The following COL6A6 variants were observed in gnomAD, a reference collection of about 807,000 sequenced individuals.
COL6A6 encodes collagen alpha-6(VI) chain.
Under a neutral mutation model 208.6 loss-of-function variants are expected in COL6A6, and 183 were observed. The ratio of observed to expected loss-of-function variants is 0.88; its 90% CI spans 0.78 to 0.99. The LOEUF (loss-of-function observed/expected upper bound fraction) is 0.99. COL6A6 is among the 50% of genes least tolerant of loss of function. The pLI, the probability that COL6A6 is intolerant of heterozygous loss-of-function variation, is 0.00. For missense variants in COL6A6, 2,816 were observed against 2,815.2 expected (o/e 1.00, Z -0.01); for synonymous variants, 973 against 1,011.8 (o/e 0.96, Z 0.73).
intron 11 of COL6A6, among the ~76,000 whole-genome samples, chr3:130,587,541 T>G (rs1388722117): frequency 1.3e-5 from 2 of 152,260 alleles, no homozygotes; most frequent in African/African-American, 2.4e-5. Flanking sequence ...AAGATGTATC[T>G]CAATTGTATT....
rs1292645617 is a variant in COL6A6 at position 130,634,464 on chromosome 3, A to G, written c.4993-126A>G. 1.2e-5 allele frequency: 9 copies of G among 751,540 alleles called. No homozygotes were observed. Among genetic ancestry groups the G allele is most frequent in the East Asian group, 2.8e-5 (1 of 36,028 alleles). 46.6% of individuals were successfully genotyped at this position (751,540 alleles called of 1,614,324 possible). On this transcript the variant is annotated intron_variant, in intron 26 of 36. Transcript: ENST00000358511. ...ACTGCTATTTCACTTCCAGATTTCA[A>G]TTGTTTTGGCCCTTCCTTAATTCAG... is the stretch of plus-strand genomic sequence containing the variant.
intron 32 of COL6A6, among the ~76,000 whole-genome samples, chr3:130,647,708 C>T (rs966225172): frequency 6.6e-5 from 10 of 152,202 alleles, no homozygotes; most frequent in South Asian, 2.1e-4. Context: ...TGCCAGCCTA[C>T]GTGAGCCCCA....
rs999576399 is a variant in COL6A6, at chr3:130,562,937, T to C, written c.65-131T>C. Reference sequence around the variant, plus strand: ...TGAGAGAATGTGCAGTTGCAGGCTATTATTTTCGGTTTATTGGGAAGGTAT... The same window carrying C: ...TGAGAGAATGTGCAGTTGCAGGCTACTATTTTCGGTTTATTGGGAAGGTAT... On this transcript the variant is annotated intron_variant, in intron 2 of 36. Transcript: ENST00000358511. 265 of 621,006 alleles carry C rather than the reference T, an allele frequency of 4.3e-4. 1 individual carries two copies. Among genetic ancestry groups the C allele is most frequent in the Non-Finnish European group, 8.7e-5 (31 of 356,056 alleles). 38.5% of individuals were successfully genotyped at this position (621,006 alleles called of 1,614,324 possible). A position where few individuals can be genotyped will look rare whatever the true frequency, so the allele number is the denominator to read the frequency against.
At chr3:130,527,183 A>G (rs2061979245) in intron 1 of COL6A6, among the ~76,000 whole-genome samples, 1 of 152,208 alleles carries the variant, frequency 6.6e-6, no homozygotes, top group South Asian at 2.1e-4. Context: ...GCACTCACGA[A>G]TGGCAGTCAA....
At chr3:130,583,002 C>T (rs1007132749) in intron 10 of COL6A6, among the ~76,000 whole-genome samples, 3 of 152,224 alleles carry the variant, frequency 2.0e-5, no homozygotes, top group Non-Finnish European at 2.9e-5. Flanking sequence ...TGCTCAGCAA[C>T]TTCCCCTGCC....
At position 130,581,778 on chromosome 3, in the gene COL6A6, G is replaced by C. The variant is rs369127867; in HGVS notation, c.3765G>C (p.Glu1255Asp). 1.2e-5 allele frequency: 19 copies of C among 1,613,762 alleles called. No individual in the cohort carries two copies. Among genetic ancestry groups the C allele is most frequent in the Non-Finnish European group, 1.6e-5 (19 of 1,179,808 alleles). ...TGGAAAAATATTCTCCCAAGTTTGA[G>C]ATCTACAGTGAAAACATACTGAATA... is the stretch of plus-strand genomic sequence containing the variant. Reference protein sequence around the residue: ...NAMEKYSPKFEIYSENILNSL... With the variant: ...NAMEKYSPKFDIYSENILNSL... The change falls in exon 9 of 37, where the codon GAG (glutamate) becomes GAC (aspartate). Residue 1255 changes from glutamate to aspartate, a missense_variant. By Grantham distance (45) the Glu-to-Asp change is conservative. Transcript: ENST00000358511.
At chr3:130,673,221 A>AACAAAAAACCC (rs2066273348) in intron 36 of COL6A6, among the ~76,000 whole-genome samples, 1 of 117,068 alleles carries the variant, frequency 8.5e-6, no homozygotes, top group Non-Finnish European at 1.5e-5. Flanking sequence ...AAAAAACAAA[A>AACAAAAAACCC]AAAAAAAACA....
chr3:130,658,845 T>G (rs2065869488), intron 34 of COL6A6, 73 bp downstream of exon 34: 1 of 1,074,962 alleles, frequency 9.3e-7, no homozygotes, highest in Non-Finnish European at 1.4e-6. Flanking sequence ...CAGGGGCAAC[T>G]GGAACTTGGC....
chr3:130,644,852 A>G (rs1378548685), intron 31 of COL6A6, 139 bp from the exon 32 acceptor site: 1 of 763,366 alleles, frequency 1.3e-6, no homozygotes, highest in Non-Finnish European at 2.3e-6. Context: ...CTCTGTCTGC[A>G]TTTTCTCCAA....
intron 1 of COL6A6, among the ~76,000 whole-genome samples, chr3:130,551,547 C>T (rs1199964179): frequency 6.6e-6 from 1 of 150,736 alleles, no homozygotes; most frequent in East Asian, 1.9e-4. Context: ...TTTGGATCTT[C>T]TCTCTTGTTT....
chr3:130,536,312 A>T (rs2062223768), intron 1 of COL6A6, among the ~76,000 whole-genome samples: 1 of 152,052 alleles, frequency 6.6e-6, no homozygotes, highest in Non-Finnish European at 1.5e-5. Flanking sequence ...TCATTCTTTC[A>T]TCCCTATACA....
chr3:130,635,013 T>C (rs2108322412), intron 27 of COL6A6, among the ~76,000 whole-genome samples: 1 of 152,280 alleles, frequency 6.6e-6, no homozygotes, highest in South Asian at 2.1e-4. Context: ...GGCAGGTGGA[T>C]CACTTGAAGT....
chr3:130,561,948 G>T (rs895572359), intron 2 of COL6A6, among the ~76,000 whole-genome samples: 1 of 152,142 alleles, frequency 6.6e-6, no homozygotes, highest in African/African-American at 2.4e-5. Flanking sequence ...CACCGCGCCC[G>T]GCTGAATCTA....
Position 130,566,975 on chromosome 3 carries a change from T to C in COL6A6, c.1556T>C (p.Leu519Pro). Residue 519 changes from leucine (L) to proline (P), a missense_variant, in exon 5 of 37, where the codon CTG becomes CCG. Leu to Pro is a moderately conservative substitution (Grantham distance 98, BLOSUM62 -3). Transcript: ENST00000358511. ...MGGNTNTGAALNFTLSLLQKA... is the reference protein window; with the variant it reads ...MGGNTNTGAAPNFTLSLLQKA... ...GGGAATACAAACACAGGCGCAGCACTGAATTTCACACTGAGTCTGTTGCAA... is the reference window on the plus strand; with the variant it reads ...GGGAATACAAACACAGGCGCAGCACCGAATTTCACACTGAGTCTGTTGCAA... 1 of 1,614,050 alleles carries C rather than the reference T, an allele frequency of 6.2e-7. No homozygotes were observed. Among genetic ancestry groups the C allele is most frequent in the African/African-American group, 1.3e-5 (1 of 75,056 alleles).
At chr3:130,647,260 A>G (rs547984672) in intron 32 of COL6A6, among the ~76,000 whole-genome samples, 1 of 152,244 alleles carries the variant, frequency 6.6e-6, no homozygotes, top group Admixed American at 6.5e-5. Context: ...GTGTTTTGGA[A>G]GCTGAATTAG....
rs370634287 is a variant in COL6A6, at chr3:130,566,772, T to G, written c.1353T>G (p.Asp451Glu). The G allele has an allele frequency of 1.9e-6, 3 of 1,613,870 alleles. No homozygotes were observed. Among genetic ancestry groups the G allele is most frequent in the Non-Finnish European group, 2.5e-6 (3 of 1,179,900 alleles). The change falls in exon 5 of 37, where the codon GAT becomes GAG. Residue 451 changes from aspartate to glutamate, a missense_variant. Asp to Glu is a conservative substitution (Grantham distance 45). Transcript: ENST00000358511. ...IDGSGSTQATDFHEMKTFLSE... is the reference protein window; with the variant it reads ...IDGSGSTQATEFHEMKTFLSE... The stretch of plus-strand genomic sequence containing the variant: ...GCTCAGGGAGCACCCAGGCCACAGA[T>G]TTCCATGAAATGAAGACGTTCCTGT...
At chr3:130,519,319 C>T (rs571856125) in intron 1 of COL6A6, among the ~76,000 whole-genome samples, 264 of 152,194 alleles carry the variant, frequency 1.7e-3, no homozygotes, top group Non-Finnish European at 3.2e-3. Context: ...AGTAAATATC[C>T]GCTGACCCTG....
chr3:130,661,799 C>G lies in COL6A6; in HGVS notation c.5993C>G (p.Thr1998Ser). The G allele has an allele frequency of 6.2e-7, 1 of 1,613,936 alleles. No individual in the cohort carries two copies. The highest frequency in any genetic ancestry group is 8.5e-7 in the Non-Finnish European group (1 of 1,179,866). The change falls in exon 35 of 37, where the codon ACC (threonine) becomes AGC (serine). Residue 1998 changes from threonine to serine, a missense_variant. By Grantham distance (58) the Thr-to-Ser change is moderately conservative (BLOSUM62 1). Transcript: ENST00000358511. ...GCACTATTAGATCACTTTGAAATCACCCCAGAGCCGGAGACTTCTGTCACT... is the reference window on the plus strand; with the variant it reads ...GCACTATTAGATCACTTTGAAATCAGCCCAGAGCCGGAGACTTCTGTCACT... Reference protein sequence around the residue: ...LGALLDHFEITPEPETSVTGD... With the variant: ...LGALLDHFEISPEPETSVTGD...
chr3:130,663,674 G>A (rs1454752423), intron 35 of COL6A6, among the ~76,000 whole-genome samples: 2 of 152,084 alleles, frequency 1.3e-5, no homozygotes, highest in Non-Finnish European at 2.9e-5. Context: ...TCTTGGTAGT[G>A]TTTCATGGGT....
Sources: allele counts gnomAD v4.1 joint callset (sites outside exome capture counted in the v4.1 genomes callset), GRCh38; gene constraint gnomAD v4.1.1; transcripts MANE v1.5; gene names NCBI Gene and HGNC (gene_info 2026-07-23, HGNC 2026-07-21).